The following VGLL4 variants were observed in gnomAD, a reference collection of about 807,000 sequenced individuals.
VGLL4 encodes the protein vestigial like family member 4.
In VGLL4, 7 loss-of-function variants were observed where a neutral mutation model predicts 21.0. That is an observed-to-expected ratio of 0.33 (90% CI 0.19 to 0.63). VGLL4 has a LOEUF of 0.63. Among genes scored for constraint, VGLL4 ranks in the 20% least tolerant of loss-of-function variants. The pLI, the probability that VGLL4 is intolerant of heterozygous loss-of-function variation, is 0.78. For synonymous variants in VGLL4, 222 were observed against 173.2 expected, an observed-to-expected ratio of 1.28 and a Z score of -2.21; for missense variants, 394 against 425.7, an observed-to-expected ratio of 0.93 and a Z score of 0.66.
At position 11,659,927 on chromosome 3, in the gene VGLL4, C is replaced by T. The variant is rs545843786; in HGVS notation, c.64+43044G>A. Reference sequence around the variant, plus strand: ...CCTATAATCCCAGCACTTTGGGAGGCCGAGACTAGTGGATCATGAGGTCAG... The same window carrying T: ...CCTATAATCCCAGCACTTTGGGAGGTCGAGACTAGTGGATCATGAGGTCAG... On this transcript the variant is annotated intron_variant, in intron 2 of 5. Coordinates refer to the VGLL4 transcript ENST00000273038. Among the ~76,000 whole-genome samples, 45 of 152,220 alleles carry T rather than the reference C, an allele frequency of 3.0e-4. No individual in the cohort carries two copies. In the South Asian group the frequency reaches 3.1e-3, roughly 11 times the overall value.
rs2072558494 is a variant in VGLL4 at position 11,557,559 on chromosome 3, A to G, written c.*997T>C. ...CTGCCAGGAGCTGGCCTCCCGCACT[A>G]CTTGTGAGTAAAGTGAATATCAAAT... is the stretch of plus-strand genomic sequence containing the variant. On this transcript the variant is annotated 3_prime_UTR_variant, in exon 5 of 5. Coordinates refer to ENST00000430365, the MANE Select transcript of VGLL4 (RefSeq NM_001128219.3). The G allele has an allele frequency of 6.6e-6, 1 of 152,542 alleles. No homozygotes were observed. The highest frequency in any genetic ancestry group is 2.1e-4 in the South Asian group (1 of 4,832). The allele number at this position is 152,542 out of a possible 1,614,324, so 9.4% of individuals were successfully genotyped here.
chr3:11,671,872 T>C (rs377073005), intron 2 of VGLL4, among the ~76,000 whole-genome samples: 9 of 152,228 alleles, frequency 5.9e-5, no homozygotes, highest in African/African-American at 2.2e-4. Flanking sequence ...CCTAAAATTC[T>C]AGCCAAAATG....
rs564229048 is a variant in VGLL4, at chr3:11,565,688, G to T, written c.273-669C>A. 6.6e-6 allele frequency among the ~76,000 whole-genome samples: 1 copy of T among 152,184 alleles called. No homozygotes were observed. The highest frequency in any genetic ancestry group is 2.4e-5 in the African/African-American group (1 of 41,452). ...GGACACACGAGCAGGAGTGACCTGC[G>T]TCCAGAAGGTCCATCACTAGCCCTG... On this transcript the variant is annotated intron_variant, in intron 2 of 4. Transcript: ENST00000430365. This position sits in a 1 kb window ranked among gnomAD's most constrained non-coding sequence, Gnocchi z 4.1.
chr3:11,654,087 A>G (rs1186458), intron 2 of VGLL4, among the ~76,000 whole-genome samples: 4 of 149,094 alleles, frequency 2.7e-5, no homozygotes, highest in African/African-American at 1.0e-4. Context: ...GACACCCCCC[A>G]CCACCACCAC....
At chr3:11,597,979 T>G (rs1274537609) in intron 2 of VGLL4, among the ~76,000 whole-genome samples, 3 of 152,160 alleles carry the variant, frequency 2.0e-5, no homozygotes, top group Non-Finnish European at 4.4e-5. Context: ...CTCTCTTTTT[T>G]TCCCCTTCCC....
intron 3 of VGLL4, among the ~76,000 whole-genome samples, chr3:11,561,334 ACT>A (rs149044680): frequency 0.022 from 3,376 of 152,088 alleles, 86 homozygotes; most frequent in African/African-American, 0.061. Flanking sequence ...TTCAGAAGAG[ACT>A]CTCTAACAAG....
At chr3:11,714,839 TA>T in intron 1 of VGLL4, among the ~76,000 whole-genome samples, 1 of 152,234 alleles carries the variant, frequency 6.6e-6, no homozygotes, top group East Asian at 1.9e-4. Flanking sequence ...CTCCCAAGAA[TA>T]AAAGATGAAT....
chr3:11,647,159 G>T (rs1211531574), upstream of VGLL4, among the ~76,000 whole-genome samples: 1 of 152,138 alleles, frequency 6.6e-6, no homozygotes, highest in African/African-American at 2.4e-5. Flanking sequence ...TGCAGGCTGG[G>T]AGCGCCTCCT....
Position 11,681,140 on chromosome 3 carries a change from C to CA in VGLL4, c.64+21830dup, listed in dbSNP as rs556910544. Among the ~76,000 whole-genome samples the CA allele has an allele frequency of 2.4e-4, 37 of 152,348 alleles. No individual in the cohort carries two copies. The South Asian group carries it at 7.5e-3, about 31-fold the overall frequency. On this transcript the variant is annotated intron_variant, in intron 2 of 5. Coordinates refer to the VGLL4 transcript ENST00000273038. ...TGAGACGGAGTCTCGCTCTGCCGCC[C>CA]AGGCTGGAGTGCAGTGGCGCGATCT...
At chr3:11,564,406 C>G (rs2073330664) in intron 3 of VGLL4, among the ~76,000 whole-genome samples, 1 of 11,296 alleles carries the variant, frequency 8.9e-5, no homozygotes, top group African/African-American at 1.3e-4. Context: ...AAACGTAGGA[C>G]CCCCCCACCC....
intron 2 of VGLL4, among the ~76,000 whole-genome samples, chr3:11,590,898 C>G (rs1359866838): frequency 1.3e-5 from 2 of 152,190 alleles, no homozygotes; most frequent in East Asian, 3.9e-4. Context: ...AATAGCCACA[C>G]CTAGCCAAAT....
Position 11,568,212 on chromosome 3 carries a change from G to T in VGLL4, c.273-3193C>A, listed in dbSNP as rs780648318. ...TCTGCCCATGTCCAAAGCCAAAGTC[G>T]TGGTACATAAGGCACTGCCCACCCC... On this transcript the variant is annotated intron_variant, in intron 2 of 4. Coordinates refer to ENST00000430365, the MANE Select transcript of VGLL4 (RefSeq NM_001128219.3). The surrounding 1 kb of genome is among the most constrained non-coding windows in gnomAD (Gnocchi z 5.9). 2.0e-5 allele frequency among the ~76,000 whole-genome samples: 3 copies of T among 152,212 alleles called. No homozygotes were observed. Among genetic ancestry groups the T allele is most frequent in the Non-Finnish European group, 2.9e-5 (2 of 68,032 alleles).
At chr3:11,674,011 CAAAAAAAAAAAAAAAAA>C (rs11293628) in intron 2 of VGLL4, among the ~76,000 whole-genome samples, 6 of 56,878 alleles carry the variant, frequency 1.1e-4, no homozygotes, top group African/African-American at 4.3e-4. Context: ...GACTTTGTCT[CAAAAAAAAAAAAAAAAA>C]AAAAAAAAAG....
In VGLL4 at chr3:11,594,933, G is replaced by A. The variant is rs999787425; in HGVS notation, c.272+6900C>T. On this transcript the variant is annotated intron_variant, in intron 2 of 4. Transcript: ENST00000430365. ...TCCCAGCACTTTGGGAGGCCGAGGC[G>A]GGCGGATCACCTGAGATCGGGAGTT... is the stretch of plus-strand genomic sequence containing the variant. Among the ~76,000 whole-genome samples the A allele has an allele frequency of 4.5e-4, 68 of 152,196 alleles. 2 individuals are homozygous for A. Among genetic ancestry groups the A allele is most frequent in the African/African-American group, 3.1e-4 (13 of 41,454 alleles).
At chr3:11,638,397 G>A (rs1165298878) in intron 1 of VGLL4, among the ~76,000 whole-genome samples, 1 of 152,078 alleles carries the variant, frequency 6.6e-6, no homozygotes, top group Non-Finnish European at 1.5e-5. Flanking sequence ...CTGGAAGGAA[G>A]GGTATAATCA....
At chr3:11,590,697 TG>T (rs2074473894) in intron 2 of VGLL4, among the ~76,000 whole-genome samples, 1 of 151,858 alleles carries the variant, frequency 6.6e-6, no homozygotes, top group Non-Finnish European at 1.5e-5. Context: ...TGTGTGTGTG[TG>T]TGTGTGTGTG....
intron 2 of VGLL4, among the ~76,000 whole-genome samples, chr3:11,592,800 G>A (rs1218824975): frequency 6.6e-6 from 1 of 152,254 alleles, no homozygotes; most frequent in South Asian, 2.1e-4. Flanking sequence ...ATCTGTAAAG[G>A]AGGGATAACG....
intron 1 of VGLL4, among the ~76,000 whole-genome samples, chr3:11,608,219 C>T (rs1219699708): frequency 6.6e-6 from 1 of 152,190 alleles, no homozygotes; most frequent in East Asian, 1.9e-4. Flanking sequence ...TTAACTACAA[C>T]TGTCAGTTTT....
At chr3:11,615,006 T>C (rs2075135329) in intron 1 of VGLL4, among the ~76,000 whole-genome samples, 1 of 152,232 alleles carries the variant, frequency 6.6e-6, no homozygotes, top group African/African-American at 2.4e-5. Context: ...CAGTTTGTTT[T>C]AGCTACATGC....
Sources: allele counts gnomAD v4.1 joint callset (sites outside exome capture counted in the v4.1 genomes callset), GRCh38; gene constraint gnomAD v4.1.1; non-coding constraint Gnocchi (gnomAD v3.1); transcripts MANE v1.5; gene names NCBI Gene and HGNC (gene_info 2026-07-23, HGNC 2026-07-21).